The following NR6A1 variants were observed in gnomAD, a reference collection of about 807,000 sequenced individuals.
NR6A1 encodes the protein nuclear receptor subfamily 6 group A member 1.
In NR6A1, 7 loss-of-function variants were observed where a neutral mutation model predicts 59.1. The ratio of observed to expected loss-of-function variants is 0.12; its 90% confidence interval spans 0.07 to 0.22. The LOEUF (loss-of-function observed/expected upper bound fraction) is 0.22. Ranked by LOEUF, NR6A1 falls within the 10% of genes least tolerant of loss-of-function variation. The pLI is 1.00. For missense variants in NR6A1, 468 were observed against 611.6 expected, an observed-to-expected ratio of 0.77 and a Z score of 2.48; for synonymous variants, 243 against 236.1, an observed-to-expected ratio of 1.03 and a Z score of -0.27.
intron 2 of NR6A1, among the ~76,000 whole-genome samples, chr9:124,604,121 C>T (rs981817841): frequency 6.6e-6 from 1 of 152,186 alleles, no homozygotes; most frequent in Admixed American, 6.5e-5. Flanking sequence ...CAAGAAATAA[C>T]GCACATAATC....
At chr9:124,736,430 T>C (rs995983355) in intron 1 of NR6A1, among the ~76,000 whole-genome samples, 1 of 152,212 alleles carries the variant, frequency 6.6e-6, no homozygotes, top group African/African-American at 2.4e-5. Flanking sequence ...CTTCTGTTAA[T>C]GGCACCCTGA....
chr9:124,607,949 G>A (rs903898429), intron 2 of NR6A1, among the ~76,000 whole-genome samples: 8 of 152,104 alleles, frequency 5.3e-5, no homozygotes, highest in African/African-American at 7.2e-5. Flanking sequence ...GCAGACAACT[G>A]TAGTCCCAGT....
intron 2 of NR6A1, among the ~76,000 whole-genome samples, chr9:124,663,940 A>G (rs1260984077): frequency 6.6e-6 from 1 of 152,236 alleles, no homozygotes; most frequent in Non-Finnish European, 1.5e-5. Context: ...TTTTCTTAAA[A>G]TAAGAATTAA....
intron 2 of NR6A1, among the ~76,000 whole-genome samples, chr9:124,669,388 C>G (rs1837719955): frequency 6.6e-6 from 1 of 152,154 alleles, no homozygotes; most frequent in African/African-American, 2.4e-5. Context: ...CAAATACTTA[C>G]TGAACAACTT....
chr9:124,564,924 A>G (rs1464547475), intron 2 of NR6A1, among the ~76,000 whole-genome samples: 1 of 152,234 alleles, frequency 6.6e-6, no homozygotes, highest in Admixed American at 6.5e-5. Flanking sequence ...ATGAATATTT[A>G]ATTTATGAAG....
intron 1 of NR6A1, among the ~76,000 whole-genome samples, chr9:124,748,781 C>T (rs1330337358): frequency 1.3e-5 from 2 of 150,922 alleles, no homozygotes; most frequent in Admixed American, 1.3e-4. Context: ...AGGAGAATGG[C>T]ATGAACCCGG....
At position 124,653,425 on chromosome 9, in the gene NR6A1, G is replaced by A. The variant is rs139088019; in HGVS notation, c.142+79883C>T. Among the ~76,000 whole-genome samples, 463 of 152,190 alleles carry A rather than the reference G, an allele frequency of 3.0e-3. 2 individuals are homozygous for A. Among genetic ancestry groups the A allele is most frequent in the African/African-American group, 0.011 (444 of 41,516 alleles). On this transcript the variant is annotated intron_variant, in intron 2 of 9. Coordinates refer to ENST00000487099, the MANE Select transcript of NR6A1 (RefSeq NM_033334.4). Reference sequence around the variant, plus strand: ...TTTGTCAGAGGTTTGTTTTGTTGTTGTTTTTTAAGAGACAGAGTCTCTGTC... The same window carrying A: ...TTTGTCAGAGGTTTGTTTTGTTGTTATTTTTTAAGAGACAGAGTCTCTGTC...
intron 2 of NR6A1, among the ~76,000 whole-genome samples, chr9:124,732,173 G>C (rs1839902690): frequency 6.6e-6 from 1 of 152,186 alleles, no homozygotes; most frequent in Non-Finnish European, 1.5e-5. Context: ...CACCACCTCA[G>C]AGCTTGAATC....
intron 4 of NR6A1, among the ~76,000 whole-genome samples, chr9:124,542,672 T>C (rs1833484671): frequency 6.6e-6 from 1 of 152,232 alleles, no homozygotes; most frequent in South Asian, 2.1e-4. Flanking sequence ...AACCTTTTAG[T>C]GGTTGCCTCT....
chr9:124,697,777 T>C (rs896542471), intron 2 of NR6A1, among the ~76,000 whole-genome samples: 1 of 152,158 alleles, frequency 6.6e-6, no homozygotes, highest in African/African-American at 2.4e-5. Flanking sequence ...ATGAAGAGCT[T>C]GGGCTAAATG....
chr9:124,748,508 G>A (rs1840399420), intron 1 of NR6A1, among the ~76,000 whole-genome samples: 1 of 152,154 alleles, frequency 6.6e-6, no homozygotes. Flanking sequence ...GGATTCCTGT[G>A]ATTTAAACAC....
chr9:124,646,041 CAA>C (rs1836920211), intron 2 of NR6A1, among the ~76,000 whole-genome samples: 1 of 152,054 alleles, frequency 6.6e-6, no homozygotes, highest in South Asian at 2.1e-4. Context: ...GAAGTCATCT[CAA>C]GAGAAAAATA....
rs1840668892 is a variant in NR6A1, at chr9:124,757,538, G to A, written c.100+13482C>T. On this transcript the variant is annotated intron_variant, in intron 1 of 9. Transcript: ENST00000487099. The stretch of plus-strand genomic sequence containing the variant: ...AAGTTGCTTAGTGGTAGGATTATAG[G>A]TTATTTTCCCTTCGTTTTCCATATT... Among the ~76,000 whole-genome samples the A allele has an allele frequency of 2.6e-5, 4 of 151,346 alleles. No individual in the cohort carries two copies. The South Asian group carries it at 8.3e-4, about 31-fold the overall frequency.
chr9:124,526,263 C>CATTTTAATTAA (rs991323860), intron 8 of NR6A1, among the ~76,000 whole-genome samples: 19 of 151,338 alleles, frequency 1.3e-4, no homozygotes, highest in Admixed American at 1.2e-3. Flanking sequence ...AATTAAAAGC[C>CATTTTAATTAA]ATGCTTGATT....
chr9:124,522,861 TGG>T, intron 9 of NR6A1, 68 bp from the exon 10 acceptor site: 1 of 1,271,054 alleles, frequency 7.9e-7, no homozygotes, highest in South Asian at 1.3e-5. Flanking sequence ...TCAGCCTCCT[TGG>T]GCTGGTGGAG....
At chr9:124,570,851 T>C (rs945368789) in intron 2 of NR6A1, among the ~76,000 whole-genome samples, 3 of 152,224 alleles carry the variant, frequency 2.0e-5, no homozygotes, top group African/African-American at 7.2e-5. Flanking sequence ...GCACTGTATC[T>C]AAACAAATAA....
intron 2 of NR6A1, among the ~76,000 whole-genome samples, chr9:124,568,921 G>A (rs1834357470): frequency 6.6e-6 from 1 of 151,822 alleles, no homozygotes; most frequent in Non-Finnish European, 1.5e-5. Context: ...AGACCATCCT[G>A]GCTAACACGG....
chr9:124,533,427 T>C (rs1303271524), intron 7 of NR6A1, among the ~76,000 whole-genome samples: 1 of 152,168 alleles, frequency 6.6e-6, no homozygotes, highest in Admixed American at 6.5e-5. Flanking sequence ...CCAGTAAGCA[T>C]CATTAATAAG....
At chr9:124,618,895 G>A (rs7871982) in intron 2 of NR6A1, among the ~76,000 whole-genome samples, 5,605 of 152,252 alleles carry the variant, frequency 0.037, 328 homozygotes, top group African/African-American at 0.13. Context: ...GAGGTGGTAG[G>A]AGAGTAGGGG....
Sources: gnomAD v4.1 joint callset for allele counts (sites outside exome capture counted in the v4.1 genomes callset) on GRCh38, gnomAD v4.1.1 for gene constraint, MANE v1.5 for transcripts, NCBI Gene and HGNC (gene_info 2026-07-23, HGNC 2026-07-21) for gene names.